DDX10: variants seen among roughly 807,000 people sequenced by gnomAD.
The protein encoded by DDX10 is DEAD-box helicase 10.
In DDX10, 74 loss-of-function variants were observed where a neutral mutation model predicts 104.3. That is an observed-to-expected ratio of 0.71 (90% confidence interval 0.59 to 0.86). The LOEUF is 0.86. Ranked by LOEUF, DDX10 falls within the 40% of genes least tolerant of loss-of-function variation. The probability of loss-of-function intolerance (pLI) is 0.00; values close to 1 mark genes in which losing one functional copy is unlikely to be tolerated. For missense variants in DDX10, 952 were observed against 1,040.0 expected (o/e 0.92, Z 1.16); for synonymous variants, 351 against 353.4 (o/e 0.99, Z 0.08).
At position 108,706,755 on chromosome 11, in the gene DDX10, G is replaced by A; in HGVS notation, c.1240G>A (p.Glu414Lys). Residue 414 changes from glutamate to lysine, a missense_variant, in exon 10 of 18, where the codon GAA becomes AAA. By Grantham distance (56) the Glu-to-Lys change is moderately conservative. Coordinates refer to ENST00000322536, the MANE Select transcript of DDX10 (RefSeq NM_004398.4). ...TTTGTTTAGGTACAAAGAGGATGGT[G>A]AAGCTTTGCTAATTTTGCTACCCTC... The part of the protein sequence containing the change: ...GRTARYKEDG[E>K]ALLILLPSEK... 6.2e-7 allele frequency: 1 copy of A among 1,613,844 alleles called. No individual in the cohort carries two copies. Among genetic ancestry groups the A allele is most frequent in the Non-Finnish European group, 8.5e-7 (1 of 1,179,780 alleles).
intron 1 of DDX10, among the ~76,000 whole-genome samples, chr11:108,671,316 A>G (rs2094216714): frequency 6.6e-6 from 1 of 152,206 alleles, no homozygotes; most frequent in Non-Finnish European, 1.5e-5. Flanking sequence ...GGCGCACGCC[A>G]CTGCATCTGG....
chr11:108,684,763 G>A (rs944181913), intron 6 of DDX10, among the ~76,000 whole-genome samples: 23 of 148,398 alleles, frequency 1.5e-4, no homozygotes, highest in African/African-American at 5.0e-4. Context: ...CTAGATCCCC[G>A]AGGAATCGCC....
chr11:108,666,924 C>T (rs1402220072), intron 1 of DDX10, among the ~76,000 whole-genome samples: 2 of 152,212 alleles, frequency 1.3e-5, no homozygotes, highest in African/African-American at 4.8e-5. Flanking sequence ...GCTCCACCAT[C>T]TCAGCAGACC....
rs2094231593 is a variant in DDX10 at position 108,679,502 on chromosome 11, G to A, written c.790G>A (p.Ala264Thr). 6.2e-7 allele frequency: 1 copy of A among 1,613,200 alleles called. No homozygotes were observed. Among genetic ancestry groups the A allele is most frequent in the African/African-American group, 1.3e-5 (1 of 74,868 alleles). The change falls in exon 6 of 18, where the codon GCA becomes ACA. Residue 264 changes from alanine (A) to threonine (T), a missense_variant. Ala to Thr is a moderately conservative substitution (Grantham distance 58). This residue lies in a region of DDX10 where 412 missense variants were observed against 479.2 expected (regional missense o/e 0.86). Coordinates refer to ENST00000322536, the MANE Select transcript of DDX10 (RefSeq NM_004398.4). Reference protein sequence around the residue: ...ATQTKSVKDLARLSLKNPEYV... With the variant: ...ATQTKSVKDLTRLSLKNPEYV... ...ACAAACTAAATCTGTAAAGGACCTT[G>A]CACGCTTGAGTTTGAAAAACCCTGA...
At position 108,931,036 on chromosome 11, in the gene DDX10, C is replaced by T. The variant is rs890922546; in HGVS notation, c.2451-9210C>T. On this transcript the variant is annotated intron_variant, in intron 17 of 17. Coordinates refer to ENST00000322536, the MANE Select transcript of DDX10 (RefSeq NM_004398.4). ...CCTCCAACAACATTTGTCCCAGACC[C>T]CTACCCCATTCAGTATCCCTTCCTG... Among the ~76,000 whole-genome samples, 4 of 152,204 alleles carry T rather than the reference C, an allele frequency of 2.6e-5. No homozygotes were observed. The East Asian group carries it at 5.8e-4, about 22-fold the overall frequency.
At chr11:108,744,216 C>T (rs2094328685) in intron 13 of DDX10, among the ~76,000 whole-genome samples, 1 of 152,058 alleles carries the variant, frequency 6.6e-6, no homozygotes, top group Non-Finnish European at 1.5e-5. Context: ...AGGGTAGTCT[C>T]GTCATAGGAA....
Position 108,821,516 on chromosome 11 carries a change from T to G in DDX10, c.1966-16930T>G, listed in dbSNP as rs564050816. On this transcript the variant is annotated intron_variant, in intron 13 of 17. Transcript: ENST00000322536. The stretch of plus-strand genomic sequence containing the variant: ...CTAAGGTAGGAGATAGAAAAACTAA[T>G]AAGTAAAAATCTGCTAGCAACTTTA... Among the ~76,000 whole-genome samples, 102 of 152,264 alleles carry G rather than the reference T, an allele frequency of 6.7e-4. 1 individual carries two copies. The South Asian group carries it at 0.021, about 31-fold the overall frequency.
chr11:108,815,212 A>G (rs569259654), intron 13 of DDX10, among the ~76,000 whole-genome samples: 10 of 152,282 alleles, frequency 6.6e-5, no homozygotes, highest in African/African-American at 1.9e-4. Flanking sequence ...TTTTTTCCCT[A>G]TGTACACAAA....
chr11:108,704,616 C>T (rs1264961078), intron 9 of DDX10, among the ~76,000 whole-genome samples: 1 of 152,200 alleles, frequency 6.6e-6, no homozygotes, highest in African/African-American at 2.4e-5. Flanking sequence ...ATGCTGCCTT[C>T]ATACATGGTT....
At chr11:108,817,902 AAAG>A in intron 13 of DDX10, among the ~76,000 whole-genome samples, 1 of 152,350 alleles carries the variant, frequency 6.6e-6, no homozygotes. Context: ...GTGAAAACAA[AAAG>A]AACACCTTGT....
rs143870117 is a variant in DDX10 at position 108,756,910 on chromosome 11, A to G, written c.1965+33448A>G. Among the ~76,000 whole-genome samples, 1,027 of 152,178 alleles carry G rather than the reference A, an allele frequency of 6.7e-3. 12 individuals are homozygous for G. Among genetic ancestry groups the G allele is most frequent in the African/African-American group, 0.023 (962 of 41,544 alleles). On this transcript the variant is annotated intron_variant, in intron 13 of 17. Transcript: ENST00000322536. ...TTTGGTCTTAATTGAAGGCTAATAC[A>G]TTATGAAGTTATTTGGGTAGAATTA...
intron 16 of DDX10, among the ~76,000 whole-genome samples, chr11:108,908,248 A>T (rs990350335): frequency 6.6e-6 from 1 of 152,218 alleles, no homozygotes; most frequent in African/African-American, 2.4e-5. Flanking sequence ...AACTATGAAG[A>T]ATTAATGCAT....
intron 13 of DDX10, among the ~76,000 whole-genome samples, chr11:108,804,285 C>T (rs1420362846): frequency 1.3e-5 from 2 of 151,906 alleles, no homozygotes; most frequent in South Asian, 2.1e-4. Flanking sequence ...ATTGCTTGAG[C>T]GTAGGGGCTT....
intron 17 of DDX10, chr11:108,919,253 G>A (rs896252328): frequency 2.0e-5 from 3 of 152,030 alleles, no homozygotes; most frequent in Non-Finnish European, 4.4e-5. Flanking sequence ...TAGGCTCTAG[G>A]TAGTGGACAT....
At position 108,700,046 on chromosome 11, in the gene DDX10, T is replaced by C. The variant is rs1285661085; in HGVS notation, c.1223+6446T>C. Among the ~76,000 whole-genome samples the C allele has an allele frequency of 2.6e-5, 4 of 152,288 alleles. No individual in the cohort carries two copies. In the South Asian group the frequency reaches 6.2e-4, roughly 24 times the overall value. ...CATGGTGCATCCTATTAAAAGCCTC[T>C]CATAGGTGAGGACTCTCACCTAGCA... On this transcript the variant is annotated intron_variant, in intron 9 of 17. Transcript: ENST00000322536.
intron 17 of DDX10, among the ~76,000 whole-genome samples, chr11:108,931,630 G>T (rs1863976418): frequency 3.3e-5 from 5 of 152,170 alleles, no homozygotes; most frequent in Admixed American, 2.6e-4. Flanking sequence ...GGGATAAAAG[G>T]TTCCATGGTC....
chr11:108,815,288 C>T (rs1862239973), intron 13 of DDX10, among the ~76,000 whole-genome samples: 1 of 151,464 alleles, frequency 6.6e-6, no homozygotes, highest in African/African-American at 2.4e-5. Flanking sequence ...GATTTGTGGC[C>T]TTTTTTTCTT....
intron 10 of DDX10, among the ~76,000 whole-genome samples, chr11:108,709,712 T>C (rs2094281409): frequency 6.6e-6 from 1 of 152,210 alleles, no homozygotes; most frequent in African/African-American, 2.4e-5. Context: ...TTGTTTATTT[T>C]TTTCAAAGAA....
chr11:108,915,432 GTT>G (rs1267407857), intron 16 of DDX10, among the ~76,000 whole-genome samples: 5 of 117,032 alleles, frequency 4.3e-5, no homozygotes, highest in African/African-American at 3.9e-5. Flanking sequence ...AAAAAGGCTT[GTT>G]TTTTTTTTTT....
Sources: gnomAD v4.1 joint callset for allele counts (sites outside exome capture counted in the v4.1 genomes callset) on GRCh38, gnomAD v4.1.1 for gene constraint, gnomAD v4.1.1 regional missense constraint, MANE v1.5 for transcripts, NCBI Gene and HGNC (gene_info 2026-07-23, HGNC 2026-07-21) for gene names.